Variants in NELL1 observed in about 807,000 individuals in gnomAD.
NELL1 encodes the protein protein kinase C-binding protein NELL1.
NELL1 carries 76 observed loss-of-function variants against 107.4 expected under a neutral mutation model. The ratio of observed to expected loss-of-function variants is 0.71; its 90% CI spans 0.59 to 0.86. The LOEUF is 0.86. Among genes scored for constraint, NELL1 ranks in the 40% least tolerant of loss-of-function variants. The pLI, the probability that NELL1 is intolerant of heterozygous loss-of-function variation, is 0.00. For missense variants in NELL1, 1,024 were observed against 1,005.5 expected (o/e 1.02, Z -0.25); for synonymous variants, 353 against 341.2 (o/e 1.03, Z -0.38).
At chr11:20,708,735 C>T (rs1855038091) in intron 2 of NELL1, among the ~76,000 whole-genome samples, 2 of 151,996 alleles carry the variant, frequency 1.3e-5, no homozygotes, top group Non-Finnish European at 2.9e-5. Flanking sequence ...TTAATTAGGT[C>T]CCATCCATTT....
At chr11:20,767,503 C>A (rs1038365163) in intron 2 of NELL1, among the ~76,000 whole-genome samples, 3 of 152,166 alleles carry the variant, frequency 2.0e-5, no homozygotes, top group African/African-American at 7.2e-5. Context: ...TTTAGCTAGA[C>A]ATAGAGCGCT....
intron 12 of NELL1, among the ~76,000 whole-genome samples, chr11:20,993,697 T>C (rs1852027408): frequency 6.6e-6 from 1 of 152,150 alleles, no homozygotes; most frequent in Non-Finnish European, 1.5e-5. Flanking sequence ...CTTAATAAAA[T>C]GTAAATACTT....
At chr11:21,061,602 A>G (rs916574110) in intron 12 of NELL1, among the ~76,000 whole-genome samples, 3 of 152,132 alleles carry the variant, frequency 2.0e-5, no homozygotes, top group South Asian at 2.1e-4. Context: ...ATTAAAATGT[A>G]TTTCTTACAT....
At chr11:21,155,710 A>C (rs1186461688) in intron 13 of NELL1, among the ~76,000 whole-genome samples, 2 of 152,018 alleles carry the variant, frequency 1.3e-5, no homozygotes, top group Non-Finnish European at 2.9e-5. Flanking sequence ...TTAAATGGTG[A>C]ATGAGTGATT....
intron 7 of NELL1, among the ~76,000 whole-genome samples, chr11:20,921,705 C>A (rs1428601718): frequency 6.6e-6 from 1 of 151,700 alleles, no homozygotes; most frequent in Non-Finnish European, 1.5e-5. Context: ...CAGATCATAC[C>A]TGTTTGGAAT....
chr11:20,863,689 C>T (rs1849036596), intron 4 of NELL1, among the ~76,000 whole-genome samples: 1 of 151,922 alleles, frequency 6.6e-6, no homozygotes, highest in African/African-American at 2.4e-5. Flanking sequence ...AGACGCTCCT[C>T]ACTTCCCAGA....
chr11:21,387,204 T>G (rs1264648790), intron 15 of NELL1, among the ~76,000 whole-genome samples: 1 of 151,918 alleles, frequency 6.6e-6, no homozygotes, highest in African/African-American at 2.4e-5. Context: ...CACTCATTAG[T>G]AAGGCATTTT....
chr11:21,345,231 T>C (rs1030755353), intron 14 of NELL1, among the ~76,000 whole-genome samples: 1 of 152,190 alleles, frequency 6.6e-6, no homozygotes. Flanking sequence ...AATAATGTTA[T>C]AGTTTGAAGG....
intron 9 of NELL1, 62 bp downstream of exon 9, chr11:20,928,541 C>G: frequency 7.3e-7 from 1 of 1,368,212 alleles, no homozygotes; most frequent in Middle Eastern, 1.8e-4. Flanking sequence ...ATTTATTTTC[C>G]CTGTTTTTCT....
At chr11:21,270,344 T>C (rs1047911326) in intron 14 of NELL1, among the ~76,000 whole-genome samples, 4 of 152,030 alleles carry the variant, frequency 2.6e-5, no homozygotes, top group African/African-American at 9.7e-5. Flanking sequence ...GAAGAAGAAA[T>C]ATATATCATG....
chr11:21,342,340 A>T (rs142193740), intron 14 of NELL1, among the ~76,000 whole-genome samples: 9 of 150,586 alleles, frequency 6.0e-5, no homozygotes, highest in Non-Finnish European at 1.3e-4. Context: ...TGTTTATAGC[A>T]ATAGAAAGAC....
rs139919731 is a variant in NELL1, at chr11:21,248,760, C to A, written c.1549+19306C>A. On this transcript the variant is annotated intron_variant, in intron 14 of 19. Coordinates refer to ENST00000357134, the MANE Select transcript of NELL1 (RefSeq NM_006157.5). Reference sequence around the variant, plus strand: ...ATGGATTTAGCATTGGAACTCATAACTTTTCTTTAAGACCATTATAACAGT... The same window carrying A: ...ATGGATTTAGCATTGGAACTCATAAATTTTCTTTAAGACCATTATAACAGT... Among the ~76,000 whole-genome samples, 955 of 152,316 alleles carry A rather than the reference C, an allele frequency of 6.3e-3. 11 individuals are homozygous for A. Among genetic ancestry groups the A allele is most frequent in the African/African-American group, 0.022 (912 of 41,578 alleles).
chr11:20,998,355 T>G (rs1270196243), intron 12 of NELL1, among the ~76,000 whole-genome samples: 1 of 152,188 alleles, frequency 6.6e-6, no homozygotes, highest in Non-Finnish European at 1.5e-5. Context: ...GCATTTAGTT[T>G]AGATAACATA....
chr11:21,524,175 C>T (rs1422653298), intron 15 of NELL1, among the ~76,000 whole-genome samples: 1 of 151,872 alleles, frequency 6.6e-6, no homozygotes, highest in African/African-American at 2.4e-5. Flanking sequence ...GGTTTAAATC[C>T]CCACTCTGTC....
chr11:21,070,571 A>G (rs1016772940), intron 12 of NELL1, among the ~76,000 whole-genome samples: 5 of 152,156 alleles, frequency 3.3e-5, no homozygotes, highest in African/African-American at 1.2e-4. Context: ...TTTGCAAAAA[A>G]ATACATTAAT....
At chr11:20,847,378 A>G (rs1235727159) in intron 3 of NELL1, among the ~76,000 whole-genome samples, 1 of 152,146 alleles carries the variant, frequency 6.6e-6, no homozygotes, top group Non-Finnish European at 1.5e-5. Context: ...TCTCTGTTTC[A>G]GAGGCTCAAG....
chr11:21,490,616 A>C (rs1354971410), intron 15 of NELL1, among the ~76,000 whole-genome samples: 1 of 152,170 alleles, frequency 6.6e-6, no homozygotes, highest in African/African-American at 2.4e-5. Flanking sequence ...AGGACAATGG[A>C]ACAGAATAGA....
intron 3 of NELL1, among the ~76,000 whole-genome samples, chr11:20,811,684 T>G (rs551408132): frequency 6.6e-6 from 1 of 152,188 alleles, no homozygotes; most frequent in Non-Finnish European, 1.5e-5. Context: ...CTGGGTAATA[T>G]TTTTGGTAGT....
chr11:21,309,178 A>G (rs1201311343), intron 14 of NELL1, among the ~76,000 whole-genome samples: 1 of 149,562 alleles, frequency 6.7e-6, no homozygotes, highest in African/African-American at 2.4e-5. Flanking sequence ...AGTTTGATTC[A>G]GGTCAAACTC....
Sources: gnomAD v4.1 joint callset for allele counts (sites outside exome capture counted in the v4.1 genomes callset) on GRCh38, gnomAD v4.1.1 for gene constraint, MANE v1.5 for transcripts, NCBI Gene and HGNC (gene_info 2026-07-23, HGNC 2026-07-21) for gene names.